Variants in SLC25A13 observed in about 807,000 individuals in gnomAD.
The protein encoded by SLC25A13 is electrogenic aspartate/glutamate antiporter SLC25A13, mitochondrial.
SLC25A13 carries 70 observed loss-of-function variants against 85.5 expected under a neutral mutation model. That is an observed-to-expected ratio of 0.82 (90% confidence interval 0.68 to 1.00). The LOEUF (loss-of-function observed/expected upper bound fraction) is 1.00, where lower values mean the gene tolerates loss of function less well. Among genes scored for constraint, SLC25A13 ranks in the 50% least tolerant of loss-of-function variants. The pLI is 0.00. For synonymous variants in SLC25A13, 259 were observed against 288.7 expected (o/e 0.90, Z 1.04); for missense variants, 765 against 819.8 (o/e 0.93, Z 0.82).
At position 96,297,049 on chromosome 7, in the gene SLC25A13, C is replaced by T. The variant is rs1417866794; in HGVS notation, c.16-98G>A. On this transcript the variant is annotated intron_variant, in intron 1 of 17. Coordinates refer to ENST00000265631, the MANE Select transcript of SLC25A13 (RefSeq NM_014251.3). ...ATAAATCTCAGATTAAAAATTAGTG[C>T]ATTTCATTTTTGTACTTAAATACCA... is the stretch of plus-strand genomic sequence containing the variant. 4 of 1,139,930 alleles carry T rather than the reference C, an allele frequency of 3.5e-6. No individual in the cohort carries two copies. In the Admixed American group the frequency reaches 7.0e-5, roughly 20 times the overall value. The allele number at this position is 1,139,930 out of a possible 1,614,324, so 70.6% of individuals were successfully genotyped here.
chr7:96,163,875 T>C (rs973967341), intron 13 of SLC25A13, among the ~76,000 whole-genome samples: 3 of 151,956 alleles, frequency 2.0e-5, no homozygotes, highest in African/African-American at 7.3e-5. Context: ...ACTAAAACAT[T>C]CATTTTCACA....
At chr7:96,127,386 G>C (rs1391741262) in intron 15 of SLC25A13, among the ~76,000 whole-genome samples, 7 of 152,096 alleles carry the variant, frequency 4.6e-5, no homozygotes, top group Non-Finnish European at 8.8e-5. Flanking sequence ...TGAAATAACG[G>C]AGTAGATGTT....
At chr7:96,134,223 A>T (rs1437149165) in intron 14 of SLC25A13, among the ~76,000 whole-genome samples, 1 of 151,752 alleles carries the variant, frequency 6.6e-6, no homozygotes, top group Non-Finnish European at 1.5e-5. Flanking sequence ...TTTAGTAGAG[A>T]CGGGGTTTCA....
chr7:96,194,442 CAAAAAAA>C (rs546248549), intron 5 of SLC25A13, among the ~76,000 whole-genome samples: 6 of 27,694 alleles, frequency 2.2e-4, no homozygotes, highest in South Asian at 8.9e-3. Flanking sequence ...AACCTTGTCT[CAAAAAAA>C]AAAAAAAAAA....
chr7:96,243,697 A>G (rs1797077401), intron 3 of SLC25A13, among the ~76,000 whole-genome samples: 1 of 152,066 alleles, frequency 6.6e-6, no homozygotes, highest in Admixed American at 6.5e-5. Flanking sequence ...GAATGGTGAA[A>G]AGCAGCGGCC....
intron 9 of SLC25A13, 75 bp from the exon 10 acceptor site, chr7:96,185,086 C>T (rs556131573): frequency 1.6e-5 from 19 of 1,210,662 alleles, no homozygotes; most frequent in East Asian, 2.3e-5. Flanking sequence ...AATGACCATA[C>T]ATTAACTTTA....
At chr7:96,164,934 T>C (rs972612072) in intron 13 of SLC25A13, among the ~76,000 whole-genome samples, 7 of 152,174 alleles carry the variant, frequency 4.6e-5, no homozygotes, top group African/African-American at 1.7e-4. Context: ...GGGAAGGGGT[T>C]TGACTAACAT....
intron 14 of SLC25A13, among the ~76,000 whole-genome samples, chr7:96,140,296 T>C (rs940902797): frequency 5.9e-5 from 9 of 151,926 alleles, no homozygotes; most frequent in African/African-American, 2.2e-4. Context: ...AGAAGGGGGA[T>C]TGCTGGATCA....
chr7:96,164,038 G>A (rs1015913525), intron 13 of SLC25A13, among the ~76,000 whole-genome samples: 2 of 152,172 alleles, frequency 1.3e-5, no homozygotes, highest in Non-Finnish European at 2.9e-5. Context: ...TAACTGTGGT[G>A]CATTAAAGAT....
At chr7:96,186,564 C>T (rs2116638250) in intron 9 of SLC25A13, among the ~76,000 whole-genome samples, 1 of 151,954 alleles carries the variant, frequency 6.6e-6, no homozygotes, top group East Asian at 1.9e-4. Flanking sequence ...ACAAAAAGAA[C>T]AAAAATTTGG....
At chr7:96,236,688 A>G (rs1029893317) in intron 3 of SLC25A13, among the ~76,000 whole-genome samples, 1 of 152,214 alleles carries the variant, frequency 6.6e-6, no homozygotes, top group African/African-American at 2.4e-5. Flanking sequence ...CCTGAAAACC[A>G]GGTCTCCTGG....
At chr7:96,134,814 A>ATATATATATATATATATAT (rs1554337570) in intron 14 of SLC25A13, among the ~76,000 whole-genome samples, 20 of 64,472 alleles carry the variant, frequency 3.1e-4, no homozygotes, top group African/African-American at 1.6e-3. Flanking sequence ...TATATATATA[A>ATATATATATATATATATAT]CCCTGAGGAA....
intron 2 of SLC25A13, among the ~76,000 whole-genome samples, chr7:96,277,764 A>G (rs1166975968): frequency 6.6e-6 from 1 of 151,054 alleles, no homozygotes; most frequent in African/African-American, 2.4e-5. Flanking sequence ...AAGACAAACT[A>G]TGTCTTGTTT....
intron 4 of SLC25A13, among the ~76,000 whole-genome samples, chr7:96,217,912 AC>A (rs67412402): frequency 0.3 from 43,672 of 143,440 alleles, 7,130 homozygotes; most frequent in East Asian, 0.57. Context: ...AAAAAAAAAA[AC>A]AAAAAACACC....
intron 1 of SLC25A13, 136 bp from the exon 2 acceptor site, chr7:96,297,087 G>A (rs1351625976): frequency 7.8e-6 from 6 of 768,678 alleles, no homozygotes; most frequent in South Asian, 1.5e-5. Flanking sequence ...TTGCCCCAGT[G>A]CATAAACTAT....
At chr7:96,189,123 A>G (rs1237275270) in intron 9 of SLC25A13, among the ~76,000 whole-genome samples, 171 bp downstream of exon 9, 1 of 152,206 alleles carries the variant, frequency 6.6e-6, no homozygotes, top group Non-Finnish European at 1.5e-5. Flanking sequence ...TTATCACACC[A>G]TTTCTAAGCA....
At chr7:96,198,198 G>C (rs959863196) in intron 5 of SLC25A13, among the ~76,000 whole-genome samples, 27 of 152,298 alleles carry the variant, frequency 1.8e-4, no homozygotes, top group African/African-American at 6.3e-4. Context: ...GTGATTGTTT[G>C]CATCTTAGAG....
intron 11 of SLC25A13, among the ~76,000 whole-genome samples, chr7:96,178,291 A>G (rs1794300866): frequency 6.6e-6 from 1 of 152,170 alleles, no homozygotes; most frequent in Non-Finnish European, 1.5e-5. Context: ...GGGCAACGCT[A>G]GCAGGACCAC....
chr7:96,161,516 A>C (rs1461763742), intron 13 of SLC25A13, among the ~76,000 whole-genome samples: 2 of 152,114 alleles, frequency 1.3e-5, no homozygotes, highest in Admixed American at 6.6e-5. Flanking sequence ...TTTCTTCCAT[A>C]TGTCAGACAC....
Sources: allele counts gnomAD v4.1 joint callset (sites outside exome capture counted in the v4.1 genomes callset), GRCh38; gene constraint gnomAD v4.1.1; transcripts MANE v1.5; gene names NCBI Gene and HGNC (gene_info 2026-07-23, HGNC 2026-07-21).